Variants in NOX4 observed in about 807,000 individuals in gnomAD.
NOX4 encodes kidney oxidase-1.
Under a neutral mutation model 87.6 loss-of-function variants are expected in NOX4, and 69 were observed. That is an observed-to-expected ratio of 0.79 (90% CI 0.65 to 0.96). NOX4 has a LOEUF of 0.96. NOX4 is among the 40% of genes least tolerant of loss of function. The pLI, the probability that NOX4 is intolerant of heterozygous loss-of-function variation, is 0.00. For synonymous variants in NOX4, 275 were observed against 238.2 expected, an observed-to-expected ratio of 1.15 and a Z score of -1.42; for missense variants, 680 against 681.5, an observed-to-expected ratio of 1.00 and a Z score of 0.02.
At chr11:89,506,578 G>A in the NOX4 span, among the ~76,000 whole-genome samples, 1 of 151,662 alleles carries the variant, frequency 6.6e-6, no homozygotes, top group African/African-American at 2.4e-5. Context: ...AGGAAAAATT[G>A]ATGTTAGAGG....
At chr11:89,386,272 T>G (rs1940694531) in intron 11 of NOX4, among the ~76,000 whole-genome samples, 1 of 152,130 alleles carries the variant, frequency 6.6e-6, no homozygotes, top group African/African-American at 2.4e-5. Context: ...CCCTACTATC[T>G]TCTGTCTAGT....
chr11:89,457,314 C>T (rs1014188854), intron 2 of NOX4, among the ~76,000 whole-genome samples: 1 of 152,200 alleles, frequency 6.6e-6, no homozygotes, highest in Non-Finnish European at 1.5e-5. Flanking sequence ...CAAATGTGTA[C>T]ATGGACGCTG....
chr11:89,459,725 C>A (rs1193055571), intron 2 of NOX4, among the ~76,000 whole-genome samples: 2 of 152,084 alleles, frequency 1.3e-5, no homozygotes, highest in Non-Finnish European at 2.9e-5. Flanking sequence ...GTGAAAATGG[C>A]CATACTGCCC....
upstream of NOX4, among the ~76,000 whole-genome samples, chr11:89,491,958 C>A (rs965830692): frequency 2.6e-5 from 4 of 152,066 alleles, no homozygotes; most frequent in African/African-American, 7.2e-5. Context: ...TCCCACCAGC[C>A]GCCAGTTTCT....
At chr11:89,436,944 T>A (rs1944107285) in intron 6 of NOX4, among the ~76,000 whole-genome samples, 1 of 152,160 alleles carries the variant, frequency 6.6e-6, no homozygotes, top group Admixed American at 6.6e-5. Context: ...AGACTTTATT[T>A]TTTACAAGAC....
chr11:89,507,710 G>C, the NOX4 span, among the ~76,000 whole-genome samples: 3 of 151,512 alleles, frequency 2.0e-5, no homozygotes, highest in Non-Finnish European at 4.4e-5. Context: ...TATTTTCATT[G>C]ACTCTTTTAC....
At chr11:89,389,685 A>G (rs1940986458) in intron 11 of NOX4, among the ~76,000 whole-genome samples, 1 of 152,316 alleles carries the variant, frequency 6.6e-6, no homozygotes, top group African/African-American at 2.4e-5. Context: ...GACTCCAGCA[A>G]CATAGATGTC....
intron 4 of NOX4, among the ~76,000 whole-genome samples, chr11:89,444,639 G>A (rs1944610412): frequency 6.6e-6 from 1 of 151,720 alleles, no homozygotes; most frequent in Non-Finnish European, 1.5e-5. Context: ...CTCTTCCATA[G>A]TTCCAAATCT....
intron 11 of NOX4, among the ~76,000 whole-genome samples, chr11:89,394,000 T>A (rs1206954832): frequency 6.6e-6 from 1 of 152,170 alleles, no homozygotes; most frequent in Non-Finnish European, 1.5e-5. Context: ...CATCTTTGCC[T>A]CAAGCTGGCC....
chr11:89,567,948 C>G, the NOX4 span, among the ~76,000 whole-genome samples: 1 of 152,192 alleles, frequency 6.6e-6, no homozygotes, highest in Non-Finnish European at 1.5e-5. Flanking sequence ...CATGTGTGGA[C>G]CCTGATGCCA....
At chr11:89,500,389 A>T (rs143814509), upstream of NOX4, among the ~76,000 whole-genome samples, 20 of 152,242 alleles carry the variant, frequency 1.3e-4, no homozygotes, top group Middle Eastern at 3.4e-3. Flanking sequence ...ATTATTTGTC[A>T]ACCAAATGTC....
At chr11:89,527,002 T>C in the NOX4 span, among the ~76,000 whole-genome samples, 3 of 152,166 alleles carry the variant, frequency 2.0e-5, no homozygotes, top group African/African-American at 7.2e-5. Context: ...CTGATAGTAA[T>C]ATGACAATGA....
At chr11:89,522,182 T>A in the NOX4 span, among the ~76,000 whole-genome samples, 1 of 152,234 alleles carries the variant, frequency 6.6e-6, no homozygotes, top group South Asian at 2.1e-4. Context: ...TAGGTATATA[T>A]CCAAAAGAAA....
rs545151459 is a variant in NOX4 at position 89,407,050 on chromosome 11, G to T, written c.630-4508C>A. ...ATAAGTAGAAGGGATCATGTCTTAT[G>T]CATTTATCCCTTATACATTCATACT... On this transcript the variant is annotated intron_variant, in intron 8 of 17. Coordinates refer to ENST00000263317, the MANE Select transcript of NOX4 (RefSeq NM_016931.5). Among the ~76,000 whole-genome samples, 97 of 152,174 alleles carry T rather than the reference G, an allele frequency of 6.4e-4. 1 individual carries two copies. Among genetic ancestry groups the T allele is most frequent in the African/African-American group, 2.1e-3 (89 of 41,560 alleles).
the NOX4 span, among the ~76,000 whole-genome samples, chr11:89,528,887 C>A: frequency 6.6e-6 from 1 of 152,124 alleles, no homozygotes; most frequent in Non-Finnish European, 1.5e-5. Flanking sequence ...ATCACTATAA[C>A]TTGAATTATG....
At chr11:89,467,513 C>T (rs897715147) in intron 2 of NOX4, among the ~76,000 whole-genome samples, 55 of 152,112 alleles carry the variant, frequency 3.6e-4, no homozygotes, top group African/African-American at 1.3e-3. Context: ...CCGGAGTCTA[C>T]AAGTTCAAGG....
chr11:89,449,375 T>C, intron 4 of NOX4, 65 bp downstream of exon 4: 1 of 1,205,970 alleles, frequency 8.3e-7, no homozygotes, highest in African/African-American at 1.5e-5. Context: ...TCTGTGTATG[T>C]CTGGAATGTT....
chr11:89,471,376 G>A (rs915111086), intron 2 of NOX4, among the ~76,000 whole-genome samples: 14 of 151,864 alleles, frequency 9.2e-5, no homozygotes, highest in Admixed American at 2.6e-4. Context: ...TCTGAGCAAC[G>A]AAAGTCAACA....
At chr11:89,396,049 A>T (rs574822014) in intron 11 of NOX4, among the ~76,000 whole-genome samples, 241 of 152,160 alleles carry the variant, frequency 1.6e-3, no homozygotes, top group African/African-American at 5.5e-3. Flanking sequence ...AGAAAGTCAT[A>T]GGTAGCTTGA....
Sources: allele counts gnomAD v4.1 joint callset (sites outside exome capture counted in the v4.1 genomes callset), GRCh38; gene constraint gnomAD v4.1.1; transcripts MANE v1.5; gene names NCBI Gene and HGNC (gene_info 2026-07-23, HGNC 2026-07-21).